Variants in RASA1 observed in about 807,000 individuals in gnomAD.
RASA1 encodes the protein ras GTPase-activating protein 1.
In RASA1, 25 loss-of-function variants were observed where a neutral mutation model predicts 132.2. The ratio of observed to expected loss-of-function variants is 0.19; its 90% CI spans 0.14 to 0.26. RASA1 has a LOEUF of 0.26. Ranked by LOEUF, RASA1 falls within the 10% of genes least tolerant of loss-of-function variation. The pLI, the probability that RASA1 is intolerant of heterozygous loss-of-function variation, is 1.00. For missense variants in RASA1, 964 were observed against 1,299.2 expected, an observed-to-expected ratio of 0.74 and a Z score of 3.97; for synonymous variants, 477 against 449.9, an observed-to-expected ratio of 1.06 and a Z score of -0.76.
intron 20 of RASA1, among the ~76,000 whole-genome samples, chr5:87,381,043 T>C (rs527812198): frequency 8.9e-4 from 135 of 152,302 alleles, no homozygotes; most frequent in African/African-American, 3.1e-3. Flanking sequence ...AGTCTGCTCA[T>C]TGTACCATAA....
At chr5:87,313,258 A>G (rs1432573411) in intron 1 of RASA1, among the ~76,000 whole-genome samples, 1 of 152,180 alleles carries the variant, frequency 6.6e-6, no homozygotes, top group African/African-American at 2.4e-5. Context: ...TAGCTAATCT[A>G]ATATCTTTGA....
At position 87,267,940 on chromosome 5, in the gene RASA1, C is replaced by T; in HGVS notation, c.-512C>T. On this transcript the variant is annotated 5_prime_UTR_variant, in exon 1 of 25. Transcript: ENST00000274376. ...AGTCGATTTCCTCGTTACCCCGCCC[C>T]CCTTTCTCTTGCCCCCCCACCCCTC... The T allele has an allele frequency of 2.6e-6, 1 of 391,696 alleles. No homozygotes were observed. Among genetic ancestry groups the T allele is most frequent in the Non-Finnish European group, 4.5e-6 (1 of 223,726 alleles). The allele number at this position is 391,696 out of a possible 1,614,324, so 24.3% of individuals were successfully genotyped here.
intron 1 of RASA1, among the ~76,000 whole-genome samples, chr5:87,301,503 C>T (rs1048655600): frequency 4.0e-5 from 6 of 151,460 alleles, no homozygotes; most frequent in Admixed American, 1.3e-4. Context: ...CTAATACACA[C>T]ACCACCTCTT....
intron 1 of RASA1, among the ~76,000 whole-genome samples, chr5:87,295,676 T>C (rs1279598294): frequency 1.3e-5 from 2 of 151,990 alleles, no homozygotes; most frequent in South Asian, 2.1e-4. Context: ...GGCTAGTTAC[T>C]GTTTGTGCTT....
In RASA1 at chr5:87,376,551, A is replaced by G. The variant is rs1165212260; in HGVS notation, c.2170A>G (p.Ser724Gly). The change falls in exon 16 of 25, where the codon AGT (serine) becomes GGT (glycine). Residue 724 changes from serine (S) to glycine (G), a missense_variant. By Grantham distance (56) the Ser-to-Gly change is moderately conservative. Transcript: ENST00000274376. ...MEKIMPEEEY[S>G]EFKELILQKE... is the part of the protein sequence containing the mutation. The stretch of plus-strand genomic sequence containing the variant: ...AAAAATCATGCCAGAAGAAGAGTAC[A>G]GTGAATTTAAAGAGGTATTAAATTA... 1.9e-6 allele frequency: 3 copies of G among 1,613,718 alleles called. No homozygotes were observed. The highest frequency in any genetic ancestry group is 2.2e-5 in the East Asian group (1 of 44,838).
intron 4 of RASA1, among the ~76,000 whole-genome samples, chr5:87,335,419 GT>G (rs34986349): frequency 0.21 from 15,556 of 74,168 alleles, 232 homozygotes; most frequent in Middle Eastern, 0.28. Flanking sequence ...AAAGAATGAG[GT>G]TTTTTTTTTT....
chr5:87,360,404 G>A (rs552060833), intron 9 of RASA1, among the ~76,000 whole-genome samples: 5 of 152,290 alleles, frequency 3.3e-5, no homozygotes, highest in South Asian at 2.1e-4. Flanking sequence ...GATTAAAGGC[G>A]TGAGCAAAAT....
intron 1 of RASA1, among the ~76,000 whole-genome samples, chr5:87,321,044 G>T (rs141199595): frequency 1.3e-5 from 2 of 152,288 alleles, no homozygotes; most frequent in Non-Finnish European, 2.9e-5. Context: ...GGTTTAGGAA[G>T]AAAGAGCCTA....
rs1280718228 is a variant in RASA1, at chr5:87,353,161, G to A, written c.1258G>A (p.Gly420Arg). 6.2e-7 allele frequency: 1 copy of A among 1,607,300 alleles called. No homozygotes were observed. Among genetic ancestry groups the A allele is most frequent in the Non-Finnish European group, 8.5e-7 (1 of 1,174,668 alleles). Reference sequence around the variant, plus strand: ...TAGAAATTTTTATTTTAACAGCATTGGGGACATCATAGATCACTATCGAAA... The same window carrying A: ...TAGAAATTTTTATTTTAACAGCATTAGGGACATCATAGATCACTATCGAAA... ...MMGGRYYNSI[G>R]DIIDHYRKEQ... Residue 420 changes from glycine (G) to arginine (R), a missense_variant, in exon 9 of 25, where the codon GGG (glycine) becomes AGG (arginine). Coordinates refer to ENST00000274376, the MANE Select transcript of RASA1 (RefSeq NM_002890.3).
chr5:87,344,620 G>T (rs1758711803), intron 6 of RASA1, among the ~76,000 whole-genome samples: 2 of 151,338 alleles, frequency 1.3e-5, no homozygotes, highest in African/African-American at 4.9e-5. Context: ...CTTCCTGCCT[G>T]AGCCTCCCGA....
intron 1 of RASA1, among the ~76,000 whole-genome samples, chr5:87,292,569 A>G (rs1450213260): frequency 6.6e-6 from 1 of 152,016 alleles, no homozygotes; most frequent in Admixed American, 6.6e-5. Flanking sequence ...TTACTATAGC[A>G]TTATAATAAG....
At chr5:87,302,085 G>A (rs958332202) in intron 1 of RASA1, among the ~76,000 whole-genome samples, 4 of 152,116 alleles carry the variant, frequency 2.6e-5, no homozygotes, top group African/African-American at 9.7e-5. Context: ...GTCATAGGAT[G>A]TTCATATAAT....
At chr5:87,307,257 A>G (rs990871127) in intron 1 of RASA1, among the ~76,000 whole-genome samples, 9 of 152,170 alleles carry the variant, frequency 5.9e-5, no homozygotes, top group African/African-American at 2.2e-4. Flanking sequence ...TTTGACAGGT[A>G]TAACTTTTCT....
At chr5:87,332,368 T>G in intron 2 of RASA1, 139 bp from the exon 3 acceptor site, 1 of 809,872 alleles carries the variant, frequency 1.2e-6, no homozygotes, top group East Asian at 2.7e-5. Context: ...AAGATACTAA[T>G]AAGTGGTATT....
At chr5:87,324,998 A>G (rs1019647300) in intron 1 of RASA1, among the ~76,000 whole-genome samples, 2 of 151,956 alleles carry the variant, frequency 1.3e-5, no homozygotes, top group African/African-American at 4.8e-5. Context: ...GTTCATTCTC[A>G]TGATGCTAAC....
At chr5:87,313,828 A>G (rs773799001) in intron 1 of RASA1, among the ~76,000 whole-genome samples, 1 of 152,210 alleles carries the variant, frequency 6.6e-6, no homozygotes, top group African/African-American at 2.4e-5. Context: ...GGATGGCAAT[A>G]AGGACATTGC....
intron 9 of RASA1, among the ~76,000 whole-genome samples, chr5:87,358,095 T>C (rs58689295): frequency 0.069 from 10,456 of 152,182 alleles, 813 homozygotes; most frequent in African/African-American, 0.19. Flanking sequence ...AATTGATTAG[T>C]TAGCAAATCA....
intron 1 of RASA1, among the ~76,000 whole-genome samples, chr5:87,270,578 C>T (rs1212006964): frequency 6.7e-6 from 1 of 149,668 alleles, no homozygotes; most frequent in Non-Finnish European, 1.5e-5. Flanking sequence ...AACTCCTGAC[C>T]TCAGGTGATC....
chr5:87,374,390 T>G, intron 14 of RASA1, 70 bp downstream of exon 14: 1 of 1,409,786 alleles, frequency 7.1e-7, no homozygotes, highest in Non-Finnish European at 9.7e-7. Flanking sequence ...GTTTTTTTGG[T>G]CTCTGTATCT....
Sources: gnomAD v4.1 joint callset for allele counts (sites outside exome capture counted in the v4.1 genomes callset) on GRCh38, gnomAD v4.1.1 for gene constraint, MANE v1.5 for transcripts, NCBI Gene and HGNC (gene_info 2026-07-23, HGNC 2026-07-21) for gene names.